Variants in ITPK1 observed in about 807,000 individuals in gnomAD.
ITPK1 encodes inositol 1,3,4-trisphosphate 5/6-kinase.
A neutral mutation model predicts 45.3 loss-of-function variants in ITPK1; 21 were observed. The ratio of observed to expected loss-of-function variants is 0.46; its 90% confidence interval spans 0.33 to 0.67. ITPK1 has a LOEUF of 0.67. Among genes scored for constraint, ITPK1 ranks in the 30% least tolerant of loss-of-function variants. The pLI is 0.02. For missense variants in ITPK1, 474 were observed against 573.5 expected (o/e 0.83, Z 1.77); for synonymous variants, 258 against 253.6 (o/e 1.02, Z -0.16).
intron 4 of ITPK1, among the ~76,000 whole-genome samples, chr14:92,999,999 G>A (rs1158270842): frequency 6.6e-6 from 1 of 152,216 alleles, no homozygotes; most frequent in African/African-American, 2.4e-5. Flanking sequence ...GAAGCCATGT[G>A]ATGTGTGGTC....
At chr14:92,946,309 A>G in intron 10 of ITPK1, 22 bp downstream of exon 10, 1 of 1,611,702 alleles carries the variant, frequency 6.2e-7, no homozygotes, top group South Asian at 1.1e-5. Flanking sequence ...CGGTCAGTGG[A>G]GGTGGCCTGG....
chr14:93,059,450 AGGG>A, intron 3 of ITPK1, among the ~76,000 whole-genome samples: 1 of 17,566 alleles, frequency 5.7e-5, no homozygotes, highest in Non-Finnish European at 1.0e-4. Context: ...GCAGGGACGG[AGGG>A]AGTGCAGGTC....
At chr14:93,001,465 T>C (rs1207234345) in intron 4 of ITPK1, among the ~76,000 whole-genome samples, 2 of 152,090 alleles carry the variant, frequency 1.3e-5, no homozygotes, top group Non-Finnish European at 2.9e-5. Context: ...CAGCATCAGC[T>C]GGGGATGACA....
At chr14:92,984,558 C>T (rs955387985) in intron 5 of ITPK1, among the ~76,000 whole-genome samples, 8 of 152,132 alleles carry the variant, frequency 5.3e-5, no homozygotes, top group Admixed American at 1.3e-4. Flanking sequence ...AACACTGCCC[C>T]CAGACTAAAG....
intron 3 of ITPK1, among the ~76,000 whole-genome samples, chr14:93,033,651 G>A (rs1248150014): frequency 6.6e-6 from 1 of 152,212 alleles, no homozygotes; most frequent in Non-Finnish European, 1.5e-5. Context: ...GGCCAGACAG[G>A]AGGTAAGAGG....
At chr14:93,096,806 C>G (rs1362899269) in intron 2 of ITPK1, among the ~76,000 whole-genome samples, 1 of 152,162 alleles carries the variant, frequency 6.6e-6, no homozygotes, top group Admixed American at 6.5e-5. Context: ...GAAAAATGAA[C>G]TTCATCATGG....
chr14:92,963,883 G>A (rs756307105), intron 5 of ITPK1, among the ~76,000 whole-genome samples: 1 of 152,196 alleles, frequency 6.6e-6, no homozygotes, highest in South Asian at 2.1e-4. Flanking sequence ...TCAGGGCACA[G>A]GGGCCAGGAA....
At chr14:92,989,582 G>A (rs1886679588) in intron 5 of ITPK1, among the ~76,000 whole-genome samples, 1 of 152,152 alleles carries the variant, frequency 6.6e-6, no homozygotes. Context: ...TTGGCTTTGG[G>A]GCTTCCATCT....
At chr14:93,019,893 T>TA (rs1888383143) in intron 3 of ITPK1, among the ~76,000 whole-genome samples, 1 of 152,176 alleles carries the variant, frequency 6.6e-6, no homozygotes, top group African/African-American at 2.4e-5. Flanking sequence ...CATTCTGCTT[T>TA]TCTGACCACA....
intron 6 of ITPK1, 89 bp downstream of exon 6, chr14:92,962,662 T>C: frequency 9.9e-7 from 1 of 1,014,590 alleles, no homozygotes; most frequent in Non-Finnish European, 1.6e-6. Flanking sequence ...TGAGCTTAAA[T>C]CCAGAGGGCA....
At chr14:93,094,547 T>C (rs571863998) in intron 2 of ITPK1, among the ~76,000 whole-genome samples, 1 of 152,256 alleles carries the variant, frequency 6.6e-6, no homozygotes, top group South Asian at 2.1e-4. Flanking sequence ...CACAGACTCC[T>C]CATCTCCCCT....
Position 93,032,477 on chromosome 14 carries a change from C to T in ITPK1, c.121-15676G>A, listed in dbSNP as rs1889119074. Among the ~76,000 whole-genome samples the T allele has an allele frequency of 6.6e-6, 1 of 152,230 alleles. No homozygotes were observed. Among genetic ancestry groups the T allele is most frequent in the Non-Finnish European group, 1.5e-5 (1 of 68,050 alleles). ...CAAGCTAAGCAGCAGCAGAAGCTTT[C>T]CTGCAGGACTTCTCAGATACTTTAA... is the stretch of plus-strand genomic sequence containing the variant. On this transcript the variant is annotated intron_variant, in intron 3 of 10. Coordinates refer to ENST00000267615, the MANE Select transcript of ITPK1 (RefSeq NM_014216.6). This position sits in a 1 kb window ranked among gnomAD's most constrained non-coding sequence, Gnocchi z 4.0.
intron 3 of ITPK1, among the ~76,000 whole-genome samples, chr14:93,051,314 AAC>A (rs1449413587): frequency 6.6e-6 from 1 of 152,214 alleles, no homozygotes; most frequent in Non-Finnish European, 1.5e-5. Flanking sequence ...CCCCAGATCA[AAC>A]ACAGATCAAG....
intron 3 of ITPK1, among the ~76,000 whole-genome samples, chr14:93,029,625 A>G (rs898214993): frequency 5.3e-5 from 8 of 152,196 alleles, no homozygotes; most frequent in African/African-American, 1.7e-4. Flanking sequence ...GCAGGCCACA[A>G]TCTTTGAGGG....
chr14:92,976,842 T>C (rs994298243), intron 5 of ITPK1, among the ~76,000 whole-genome samples: 2 of 152,224 alleles, frequency 1.3e-5, no homozygotes, highest in African/African-American at 4.8e-5. Context: ...CACTGCATAA[T>C]AGCCTTTGTC....
At position 92,938,374 on chromosome 14, in the gene ITPK1, C is replaced by T; in HGVS notation, c.*3187G>A. 2 of 843,234 alleles carry T rather than the reference C, an allele frequency of 2.4e-6. No individual in the cohort carries two copies. Among genetic ancestry groups the T allele is most frequent in the Non-Finnish European group, 4.1e-6 (2 of 491,984 alleles). 52.2% of individuals were successfully genotyped at this position (843,234 alleles called of 1,614,324 possible). A position where few individuals can be genotyped will look rare whatever the true frequency, so the allele number is the denominator to read the frequency against. ...TGCCCAAGAGCCAAGAACTGGTCTT[C>T]CAGGCTAGAAGGACAAACGACAGGC... On this transcript the variant is annotated 3_prime_UTR_variant, in exon 11 of 11. Coordinates refer to ENST00000267615, the MANE Select transcript of ITPK1 (RefSeq NM_014216.6).
intron 5 of ITPK1, among the ~76,000 whole-genome samples, chr14:92,987,313 G>T (rs1229802657): frequency 1.3e-5 from 2 of 152,290 alleles, no homozygotes; most frequent in South Asian, 2.1e-4. Context: ...TGCAGGAAAG[G>T]GGACGGGGCA....
chr14:93,014,350 G>A lies in ITPK1; in HGVS notation c.246+2326C>T, dbSNP rs1262709469. On this transcript the variant is annotated intron_variant, in intron 4 of 10. Coordinates refer to ENST00000267615, the MANE Select transcript of ITPK1 (RefSeq NM_014216.6). The surrounding 1 kb of genome is among the most constrained non-coding windows in gnomAD (Gnocchi z 4.4). ...TTCACTGTTTGGACATCACTTGCCTGGGCTGTGGGCTGTGTGTGTGTCTGG... is the reference window on the plus strand; with the variant it reads ...TTCACTGTTTGGACATCACTTGCCTAGGCTGTGGGCTGTGTGTGTGTCTGG... Among the ~76,000 whole-genome samples, 1 of 152,200 alleles carries A rather than the reference G, an allele frequency of 6.6e-6. No homozygotes were observed. The highest frequency in any genetic ancestry group is 1.5e-5 in the Non-Finnish European group (1 of 68,038).
chr14:93,040,614 C>T (rs1198741236), intron 3 of ITPK1, among the ~76,000 whole-genome samples: 1 of 152,220 alleles, frequency 6.6e-6, no homozygotes, highest in African/African-American at 2.4e-5. Context: ...CACGCAGTCC[C>T]TCCTCTTCCT....
Sources: gnomAD v4.1 joint callset for allele counts (sites outside exome capture counted in the v4.1 genomes callset) on GRCh38, gnomAD v4.1.1 for gene constraint, Gnocchi (gnomAD v3.1) non-coding constraint, MANE v1.5 for transcripts, NCBI Gene and HGNC (gene_info 2026-07-23, HGNC 2026-07-21) for gene names.